The following NEDD4L variants were observed in gnomAD, a reference collection of about 807,000 sequenced individuals.
The protein encoded by NEDD4L is NEDD4 like E3 ubiquitin protein ligase.
A neutral mutation model predicts 148.9 loss-of-function variants in NEDD4L; 54 were observed. The ratio of observed to expected loss-of-function variants is 0.36; its 90% CI spans 0.29 to 0.45. NEDD4L has a LOEUF of 0.45. Ranked by LOEUF, NEDD4L falls within the 20% of genes least tolerant of loss-of-function variation. NEDD4L has a pLI of 1.00. For missense variants in NEDD4L, 856 were observed against 1,233.8 expected (o/e 0.69, Z 4.59); for synonymous variants, 433 against 440.7 (o/e 0.98, Z 0.22).
chr18:58,338,894 C>A (rs534916463), intron 13 of NEDD4L, among the ~76,000 whole-genome samples: 1 of 152,008 alleles, frequency 6.6e-6, no homozygotes, highest in African/African-American at 2.4e-5. Flanking sequence ...CCAGCCTGGG[C>A]GACAGAGCAA....
chr18:58,142,821 C>T (rs531460770), intron 1 of NEDD4L, among the ~76,000 whole-genome samples: 1 of 143,014 alleles, frequency 7.0e-6, no homozygotes, highest in East Asian at 2.2e-4. Context: ...AGTGTATAGA[C>T]CTCACCTTTT....
intron 11 of NEDD4L, 146 bp downstream of exon 11, chr18:58,331,060 G>T: frequency 1.3e-6 from 1 of 747,164 alleles, no homozygotes; most frequent in Non-Finnish European, 2.1e-6. Context: ...TCCTTCCCTA[G>T]GAGAAGCAGG....
At chr18:58,369,595 G>A (rs1053095925) in intron 22 of NEDD4L, among the ~76,000 whole-genome samples, 1 of 152,208 alleles carries the variant, frequency 6.6e-6, no homozygotes, top group Non-Finnish European at 1.5e-5. Context: ...GGGCCACGCT[G>A]AGCCGGGGAG....
chr18:58,220,583 A>G (rs764701313), intron 2 of NEDD4L, among the ~76,000 whole-genome samples: 2 of 152,122 alleles, frequency 1.3e-5, no homozygotes, highest in African/African-American at 2.4e-5. Context: ...GCTGGGGGGA[A>G]CTGCAAGTCT....
intron 5 of NEDD4L, among the ~76,000 whole-genome samples, chr18:58,281,430 T>C (rs896623075): frequency 2.0e-5 from 3 of 152,138 alleles, no homozygotes; most frequent in Non-Finnish European, 4.4e-5. Context: ...TGGGTGGCCT[T>C]TTGTTATCAT....
At chr18:58,221,727 T>A (rs1470373045) in intron 2 of NEDD4L, 10 of 985,276 alleles carry the variant, frequency 1.0e-5, no homozygotes, top group Non-Finnish European at 1.2e-5. Context: ...TTTCCAGCCT[T>A]GTTTTTCAGC....
chr18:58,108,654 C>G (rs1173747401), intron 1 of NEDD4L, among the ~76,000 whole-genome samples: 1 of 152,316 alleles, frequency 6.6e-6, no homozygotes, highest in East Asian at 1.9e-4. Flanking sequence ...CTCCTGAGCT[C>G]AGGTGATCCA....
At position 58,190,207 on chromosome 18, in the gene NEDD4L, T is replaced by A. The variant is rs190684526; in HGVS notation, c.122+24346T>A. On this transcript the variant is annotated intron_variant, in intron 2 of 30. Coordinates refer to ENST00000400345, the MANE Select transcript of NEDD4L (RefSeq NM_001144967.3). ...CCTGTTATCTAGCAAACACACTTCA[T>A]GCAAAGAAACTCTCCTAAGGAAGTA... Among the ~76,000 whole-genome samples the A allele has an allele frequency of 1.4e-4, 21 of 152,302 alleles. No individual in the cohort carries two copies. The East Asian group carries it at 3.3e-3, about 24-fold the overall frequency.
At chr18:58,155,623 T>G (rs1452199339) in intron 1 of NEDD4L, among the ~76,000 whole-genome samples, 1 of 152,164 alleles carries the variant, frequency 6.6e-6, no homozygotes, top group Non-Finnish European at 1.5e-5. Context: ...CAAAGCATGA[T>G]TATGGCCAAG....
intron 2 of NEDD4L, among the ~76,000 whole-genome samples, chr18:58,217,066 C>G (rs1183800485): frequency 6.6e-6 from 1 of 152,188 alleles, no homozygotes; most frequent in Non-Finnish European, 1.5e-5. Context: ...ATGCAGGAGA[C>G]CTTTCCCCCT....
intron 5 of NEDD4L, among the ~76,000 whole-genome samples, chr18:58,307,039 G>T (rs771927651): frequency 1.3e-5 from 2 of 152,226 alleles, no homozygotes; most frequent in Non-Finnish European, 2.9e-5. Flanking sequence ...TAAAGCTGGA[G>T]CTTTTCCCCC....
chr18:58,113,671 C>T (rs973299141), intron 1 of NEDD4L, among the ~76,000 whole-genome samples: 5 of 152,196 alleles, frequency 3.3e-5, no homozygotes, highest in East Asian at 1.9e-4. Flanking sequence ...GACGGCCTTA[C>T]GGACGAGCTG....
intron 13 of NEDD4L, among the ~76,000 whole-genome samples, chr18:58,340,008 C>T (rs1211055973): frequency 1.3e-5 from 2 of 152,160 alleles, no homozygotes; most frequent in Non-Finnish European, 2.9e-5. Context: ...AGAGGTTATT[C>T]CTAAGGCATG....
chr18:58,259,821 T>C (rs2049112909), intron 5 of NEDD4L, among the ~76,000 whole-genome samples: 1 of 152,224 alleles, frequency 6.6e-6, no homozygotes, highest in Admixed American at 6.5e-5. Flanking sequence ...TTCCTCTGTG[T>C]CCTCTCAGTG....
chr18:58,382,446 G>A (rs8087657), intron 24 of NEDD4L, among the ~76,000 whole-genome samples: 68,757 of 152,112 alleles, frequency 0.45, 16,157 homozygotes, highest in African/African-American at 0.6. Context: ...CCAAAATAGT[G>A]GCATGGCTTT....
intron 24 of NEDD4L, 33 bp from the exon 25 acceptor site, chr18:58,383,213 A>G: frequency 9.2e-7 from 1 of 1,087,152 alleles, no homozygotes; most frequent in Non-Finnish European, 1.4e-6. Flanking sequence ...TAACTTCGTG[A>G]TAGTAATTGT....
chr18:58,233,434 AAG>A (rs1349247372), intron 2 of NEDD4L, among the ~76,000 whole-genome samples: 4 of 152,204 alleles, frequency 2.6e-5, no homozygotes, highest in Non-Finnish European at 4.4e-5. Context: ...AGCCAAGGGA[AAG>A]GGGAAACCCT....
chr18:58,136,416 C>G (rs879933329), intron 1 of NEDD4L, among the ~76,000 whole-genome samples: 4 of 152,146 alleles, frequency 2.6e-5, no homozygotes, highest in Non-Finnish European at 4.4e-5. Context: ...CCTTCTCTCC[C>G]CAGTGTTGGG....
At chr18:58,184,451 C>T (rs920680767) in intron 2 of NEDD4L, among the ~76,000 whole-genome samples, 8 of 151,910 alleles carry the variant, frequency 5.3e-5, no homozygotes, top group South Asian at 4.2e-4. Context: ...TCAATCATGC[C>T]GGGCACTAGC....
Sources: gnomAD v4.1 joint callset for allele counts (sites outside exome capture counted in the v4.1 genomes callset) on GRCh38, gnomAD v4.1.1 for gene constraint, MANE v1.5 for transcripts, NCBI Gene and HGNC (gene_info 2026-07-23, HGNC 2026-07-21) for gene names.